Variants in ASB15 observed in about 807,000 individuals in gnomAD.
ASB15 encodes the protein ankyrin repeat and SOCS box containing 15.
In ASB15, 54 loss-of-function variants were observed where a neutral mutation model predicts 58.0. The observed-to-expected ratio is 0.93, with a 90% CI of 0.75 to 1.17. The LOEUF (loss-of-function observed/expected upper bound fraction) is 1.17, where lower values mean the gene tolerates loss of function less well. ASB15 is among the 50% of genes most tolerant of loss of function. The pLI, the probability that ASB15 is intolerant of heterozygous loss-of-function variation, is 0.00. For synonymous variants in ASB15, 249 were observed against 262.4 expected (o/e 0.95, Z 0.50); for missense variants, 680 against 707.4 (o/e 0.96, Z 0.44).
At chr7:123,608,537 C>G (rs932496653) in intron 2 of ASB15, 57 bp from the exon 3 acceptor site, 4 of 152,154 alleles carry the variant, frequency 2.6e-5, no homozygotes, top group African/African-American at 9.7e-5. Flanking sequence ...GAAGAACATA[C>G]TTTGCTGTTA....
intron 1 of ASB15, among the ~76,000 whole-genome samples, chr7:123,569,930 A>G (rs894208167): frequency 6.6e-6 from 1 of 152,078 alleles, no homozygotes; most frequent in African/African-American, 2.4e-5. Context: ...GAAGCAAATA[A>G]TGATTGTTAT....
intron 1 of ASB15, among the ~76,000 whole-genome samples, chr7:123,576,792 C>T (rs925479242): frequency 6.6e-6 from 1 of 152,172 alleles, no homozygotes; most frequent in Admixed American, 6.6e-5. Flanking sequence ...CTAAGATCTG[C>T]TGCCACTAGG....
chr7:123,585,407 T>C (rs1281554486), intron 1 of ASB15, among the ~76,000 whole-genome samples: 3 of 151,804 alleles, frequency 2.0e-5, no homozygotes, highest in African/African-American at 4.8e-5. Flanking sequence ...ACACATTACA[T>C]GTAGGAATGC....
chr7:123,602,964 TC>T (rs1799958635), intron 1 of ASB15, among the ~76,000 whole-genome samples: 1 of 152,128 alleles, frequency 6.6e-6, no homozygotes, highest in South Asian at 2.1e-4. Flanking sequence ...AGTTTTCTCA[TC>T]TGTAAAGTGG....
chr7:123,617,983 A>G (rs896364314), intron 7 of ASB15, among the ~76,000 whole-genome samples: 1 of 152,176 alleles, frequency 6.6e-6, no homozygotes, highest in African/African-American at 2.4e-5. Flanking sequence ...AGGGATCTGA[A>G]TTAGTTTTTT....
chr7:123,607,272 C>T (rs1331425485), intron 2 of ASB15, among the ~76,000 whole-genome samples: 1 of 152,130 alleles, frequency 6.6e-6, no homozygotes, highest in Non-Finnish European at 1.5e-5. Flanking sequence ...CATACTTAAA[C>T]TAACACTTTA....
chr7:123,589,609 T>C (rs944010552), intron 1 of ASB15, among the ~76,000 whole-genome samples: 12 of 152,110 alleles, frequency 7.9e-5, no homozygotes, highest in African/African-American at 2.4e-4. Context: ...CTGAGAATGG[T>C]GGTTTCCAGC....
intron 11 of ASB15, among the ~76,000 whole-genome samples, chr7:123,632,502 T>TA (rs36002590): frequency 0.21 from 32,539 of 152,098 alleles, 3,782 homozygotes; most frequent in South Asian, 0.3. Flanking sequence ...GTTATATGGA[T>TA]AAGTTGTTTG....
intron 3 of ASB15, among the ~76,000 whole-genome samples, chr7:123,609,478 G>A (rs1800322890): frequency 6.6e-6 from 1 of 152,166 alleles, no homozygotes; most frequent in Non-Finnish European, 1.5e-5. Flanking sequence ...GGGGCAGTGT[G>A]TTATTTATAG....
intron 11 of ASB15, among the ~76,000 whole-genome samples, chr7:123,634,824 A>C (rs1049161402): frequency 4.6e-5 from 7 of 152,356 alleles, no homozygotes; most frequent in African/African-American, 1.4e-4. Context: ...ACAGCTGCTA[A>C]TATGTAGCCC....
intron 1 of ASB15, among the ~76,000 whole-genome samples, chr7:123,579,277 C>T (rs1256555530): frequency 6.6e-6 from 1 of 151,842 alleles, no homozygotes; most frequent in Non-Finnish European, 1.5e-5. Context: ...AGATATACTA[C>T]ATTTTCTTTA....
intron 1 of ASB15, among the ~76,000 whole-genome samples, chr7:123,588,948 A>T (rs1238366547): frequency 6.6e-6 from 1 of 151,766 alleles, no homozygotes; most frequent in African/African-American, 2.4e-5. Context: ...TATGAATTCA[A>T]TCTAGTTAAA....
intron 2 of ASB15, among the ~76,000 whole-genome samples, chr7:123,606,600 G>A (rs894375268): frequency 6.6e-6 from 1 of 152,130 alleles, no homozygotes; most frequent in Admixed American, 6.5e-5. Flanking sequence ...CTGCTTAACT[G>A]AAATTTGTAC....
chr7:123,622,161 A>G (rs1002186361), intron 7 of ASB15, among the ~76,000 whole-genome samples: 1 of 152,208 alleles, frequency 6.6e-6, no homozygotes, highest in Non-Finnish European at 1.5e-5. Flanking sequence ...ACTTAAAGTC[A>G]GTTTTAAGCA....
chr7:123,629,205 CTAATGTCAAT>C lies in ASB15; in HGVS notation c.1213_1222del (p.Asn405ValfsTer6). ...GTCAGGCTGCTTCTCTCCCATGGAG[CTAATGTCAAT>C]TGTTATTTTATGCATGTGAATGACA... On this transcript the variant is annotated frameshift_variant, in exon 10 of 12. Coordinates refer to ENST00000451215, the MANE Select transcript of ASB15 (RefSeq NM_001290258.2). LOFTEE classifies it high-confidence loss of function. The C allele has an allele frequency of 6.2e-7, 1 of 1,613,648 alleles. No homozygotes were observed. Among genetic ancestry groups the C allele is most frequent in the Non-Finnish European group, 8.5e-7 (1 of 1,179,584 alleles).
At chr7:123,612,713 C>T (rs1385195574) in intron 3 of ASB15, among the ~76,000 whole-genome samples, 3 of 152,106 alleles carry the variant, frequency 2.0e-5, no homozygotes, top group African/African-American at 7.2e-5. Context: ...ACTCCATATC[C>T]AAAGGAAATG....
At chr7:123,610,807 T>TAGA (rs1248736815) in intron 3 of ASB15, among the ~76,000 whole-genome samples, 3 of 152,206 alleles carry the variant, frequency 2.0e-5, no homozygotes, top group African/African-American at 7.2e-5. Flanking sequence ...TGGTCTTCTC[T>TAGA]AGAACAAGAT....
chr7:123,606,647 A>G (rs2116446691), intron 2 of ASB15, among the ~76,000 whole-genome samples: 1 of 152,290 alleles, frequency 6.6e-6, no homozygotes, highest in Non-Finnish European at 1.5e-5. Flanking sequence ...GGCAACCAAC[A>G]TTCTACTCTT....
rs1022737165 is a variant in ASB15 at position 123,639,099 on chromosome 7, G to A, written c.*2118G>A. On this transcript the variant is annotated 3_prime_UTR_variant, in exon 12 of 12. Transcript: ENST00000451215. The stretch of plus-strand genomic sequence containing the variant: ...ATGCTATTATTCTTAGATTTTAATA[G>A]TGTATTTTTCTTATATTTATTTTTA... 6.6e-6 allele frequency: 1 copy of A among 151,348 alleles called. No individual in the cohort carries two copies. Among genetic ancestry groups the A allele is most frequent in the Non-Finnish European group, 1.5e-5 (1 of 67,476 alleles). 9.4% of individuals were successfully genotyped at this position (151,348 alleles called of 1,614,324 possible). A position where few individuals can be genotyped will look rare whatever the true frequency, so the allele number is the denominator to read the frequency against.
Sources: gnomAD v4.1 joint callset for allele counts (sites outside exome capture counted in the v4.1 genomes callset) on GRCh38, gnomAD v4.1.1 for gene constraint, MANE v1.5 for transcripts, NCBI Gene and HGNC (gene_info 2026-07-23, HGNC 2026-07-21) for gene names.